TMTC2: variants seen among roughly 807,000 people sequenced by gnomAD.
TMTC2 encodes transmembrane O-mannosyltransferase targeting cadherins 2.
Under a neutral mutation model 82.4 loss-of-function variants are expected in TMTC2, and 43 were observed. The ratio of observed to expected loss-of-function variants is 0.52; its 90% CI spans 0.41 to 0.67. The LOEUF (loss-of-function observed/expected upper bound fraction) is 0.67, where lower values mean the gene tolerates loss of function less well. TMTC2 is among the 30% of genes least tolerant of loss of function. TMTC2 has a pLI of 0.00. For synonymous variants in TMTC2, 408 were observed against 381.9 expected, an observed-to-expected ratio of 1.07 and a Z score of -0.80; for missense variants, 919 against 1,012.4, an observed-to-expected ratio of 0.91 and a Z score of 1.25.
At chr12:82,824,802 A>G (rs550347027) in intron 1 of TMTC2, among the ~76,000 whole-genome samples, 53 of 152,284 alleles carry the variant, frequency 3.5e-4, no homozygotes, top group African/African-American at 1.2e-3. Flanking sequence ...TTAAAAATAT[A>G]CATAGGCCTG....
intron 1 of TMTC2, among the ~76,000 whole-genome samples, chr12:82,812,793 A>G (rs1225358127): frequency 6.6e-6 from 1 of 151,962 alleles, no homozygotes; most frequent in Non-Finnish European, 1.5e-5. Flanking sequence ...AAATATTGAT[A>G]ATTAACTATT....
At chr12:82,712,984 T>C (rs1056020256) in intron 1 of TMTC2, among the ~76,000 whole-genome samples, 1 of 151,866 alleles carries the variant, frequency 6.6e-6, no homozygotes, top group Non-Finnish European at 1.5e-5. Flanking sequence ...ACTAAAGAGG[T>C]TGACTCTTTA....
At chr12:83,059,352 T>A (rs1054209888) in intron 10 of TMTC2, among the ~76,000 whole-genome samples, 2 of 151,842 alleles carry the variant, frequency 1.3e-5, no homozygotes, top group African/African-American at 4.8e-5. Flanking sequence ...CACTTCCTCA[T>A]GAGTTATTCT....
intron 4 of TMTC2, among the ~76,000 whole-genome samples, chr12:82,955,967 T>A (rs1292089682): frequency 6.6e-6 from 1 of 152,148 alleles, no homozygotes; most frequent in Non-Finnish European, 1.5e-5. Context: ...TAAATTCACA[T>A]TAATATATAG....
In TMTC2 at chr12:82,857,341, C is replaced by A. The variant is rs200268500; in HGVS notation, c.415C>A (p.Arg139=). The A allele has an allele frequency of 6.3e-7, 1 of 1,582,702 alleles. No individual in the cohort carries two copies. Among genetic ancestry groups the A allele is most frequent in the South Asian group, 1.2e-5 (1 of 86,604 alleles). ...HTEAVAGIVG[R]ADVGASLFFL... is the part of the protein sequence containing the mutation. ...GGAGGCAGTGGCAGGAATCGTGGGACGAGCCGATGTCGGGGCCAGTCTCTT... is the reference window on the plus strand; with the variant it reads ...GGAGGCAGTGGCAGGAATCGTGGGAAGAGCCGATGTCGGGGCCAGTCTCTT... The change falls in exon 2 of 12, where the codon CGA becomes AGA. Residue 139 remains arginine (R), a synonymous_variant. Transcript: ENST00000321196.
At chr12:82,883,620 G>A (rs1872946951) in intron 2 of TMTC2, among the ~76,000 whole-genome samples, 1 of 152,160 alleles carries the variant, frequency 6.6e-6, no homozygotes, top group Non-Finnish European at 1.5e-5. Context: ...ATAATAGCTG[G>A]TTTGTCGCAC....
chr12:82,867,660 A>C (rs2137130994), intron 2 of TMTC2, among the ~76,000 whole-genome samples: 1 of 152,342 alleles, frequency 6.6e-6, no homozygotes, highest in African/African-American at 2.4e-5. Context: ...AAAAAAGATT[A>C]TACCAAGGTT....
At chr12:82,799,008 C>A (rs1328794803) in intron 1 of TMTC2, among the ~76,000 whole-genome samples, 1 of 152,072 alleles carries the variant, frequency 6.6e-6, no homozygotes, top group Non-Finnish European at 1.5e-5. Context: ...GCAAAAGATA[C>A]CATTCTTTAC....
At position 82,927,257 on chromosome 12, in the gene TMTC2, A is replaced by T. The variant is rs538231322; in HGVS notation, c.1484-3174A>T. Among the ~76,000 whole-genome samples, 9 of 152,322 alleles carry T rather than the reference A, an allele frequency of 5.9e-5. No individual in the cohort carries two copies. In the South Asian group the frequency reaches 1.7e-3, roughly 28 times the overall value. ...CAGGAATTTGGAAGAAGTTGATTCC[A>T]ATCCTTATGGATACCTTTGAGGGGC... On this transcript the variant is annotated intron_variant, in intron 3 of 11. Coordinates refer to ENST00000321196, the MANE Select transcript of TMTC2 (RefSeq NM_152588.3).
In TMTC2 at chr12:83,109,199, G is replaced by A. The variant is rs114180334; in HGVS notation, c.2332-23011G>A. Among the ~76,000 whole-genome samples the A allele has an allele frequency of 3.5e-3, 528 of 152,256 alleles. 4 individuals are homozygous for A. The highest frequency in any genetic ancestry group is 0.012 in the African/African-American group (507 of 41,552). ...TCACAGGCCATACAGGAAGCATGTT[G>A]GCATCTGCTCAGCTTCTGGGGGGGC... is the stretch of plus-strand genomic sequence containing the variant. On this transcript the variant is annotated intron_variant, in intron 11 of 11. Transcript: ENST00000321196.
At chr12:82,719,085 A>ATTTTTTTTT (rs71068944) in intron 1 of TMTC2, among the ~76,000 whole-genome samples, 7 of 41,414 alleles carry the variant, frequency 1.7e-4, no homozygotes, top group Non-Finnish European at 2.3e-4. Flanking sequence ...ATATATATAT[A>ATTTTTTTTT]TTTTTTTTTT....
intron 1 of TMTC2, among the ~76,000 whole-genome samples, chr12:82,828,203 T>C (rs1217871634): frequency 6.6e-6 from 1 of 150,588 alleles, no homozygotes; most frequent in Non-Finnish European, 1.5e-5. Flanking sequence ...CTTTTGCTTT[T>C]TCTTTGGCTT....
chr12:82,995,463 G>A (rs1264966865), intron 8 of TMTC2, among the ~76,000 whole-genome samples: 4 of 152,052 alleles, frequency 2.6e-5, no homozygotes, highest in Admixed American at 2.6e-4. Flanking sequence ...AAGTTCATAA[G>A]GTTTTTGTGA....
chr12:82,905,666 C>G (rs1258573266), intron 3 of TMTC2, among the ~76,000 whole-genome samples: 1 of 152,140 alleles, frequency 6.6e-6, no homozygotes, highest in Non-Finnish European at 1.5e-5. Flanking sequence ...CACAGTTGGC[C>G]AGGCGCCATG....
intron 7 of TMTC2, among the ~76,000 whole-genome samples, chr12:82,984,883 G>A (rs1015667630): frequency 2.6e-5 from 4 of 151,920 alleles, no homozygotes; most frequent in African/African-American, 9.7e-5. Context: ...AATGCTGTTT[G>A]GTAGCTAAAA....
intron 8 of TMTC2, among the ~76,000 whole-genome samples, chr12:83,006,955 G>A (rs529274893): frequency 6.6e-6 from 1 of 152,170 alleles, no homozygotes; most frequent in South Asian, 2.1e-4. Context: ...GGGGGCTGGG[G>A]GAGGGATAGC....
chr12:83,057,884 G>C (rs1486138337), intron 10 of TMTC2, among the ~76,000 whole-genome samples: 3 of 151,780 alleles, frequency 2.0e-5, no homozygotes, highest in Non-Finnish European at 4.4e-5. Context: ...AATGCCACTA[G>C]TTTTTATTAT....
At chr12:83,014,434 G>A (rs1401365518) in intron 8 of TMTC2, among the ~76,000 whole-genome samples, 6 of 152,092 alleles carry the variant, frequency 3.9e-5, no homozygotes, top group South Asian at 2.1e-4. Flanking sequence ...CCGCCTCCCC[G>A]CTTCAAGTGA....
chr12:83,101,187 G>T (rs753674273), intron 11 of TMTC2, among the ~76,000 whole-genome samples: 1 of 152,090 alleles, frequency 6.6e-6, no homozygotes, highest in African/African-American at 2.4e-5. Context: ...GGGATTCTTG[G>T]ACTACTAGTG....
Sources: gnomAD v4.1 joint callset for allele counts (sites outside exome capture counted in the v4.1 genomes callset) on GRCh38, gnomAD v4.1.1 for gene constraint, MANE v1.5 for transcripts, NCBI Gene and HGNC (gene_info 2026-07-23, HGNC 2026-07-21) for gene names.